The following MRI1 variants were observed in gnomAD, a reference collection of about 807,000 sequenced individuals.
MRI1 encodes methylthioribose-1-phosphate isomerase 1, also known as methylthioribose-1-phosphate isomerase.
MRI1 carries 32 observed loss-of-function variants against 27.3 expected under a neutral mutation model. The observed-to-expected ratio is 1.17, with a 90% CI of 0.88 to 1.57. The LOEUF (loss-of-function observed/expected upper bound fraction) is 1.57. Ranked by LOEUF, MRI1 falls within the 40% of genes most tolerant of loss-of-function variation. MRI1 has a pLI of 0.00. For synonymous variants in MRI1, 216 were observed against 227.4 expected (o/e 0.95, Z 0.45); for missense variants, 508 against 516.1 (o/e 0.98, Z 0.15).
intron 2 of MRI1, among the ~76,000 whole-genome samples, chr19:13,765,670 ATTATC>A (rs1974106437): frequency 6.6e-6 from 1 of 151,996 alleles, no homozygotes; most frequent in Non-Finnish European, 1.5e-5. Flanking sequence ...CCTTCATTTT[ATTATC>A]TCTTCATCAG....
rs577779616 is a variant in MRI1, at chr19:13,771,098, T to C, written c.950-1023T>C. 3.4e-5 allele frequency among the ~76,000 whole-genome samples: 5 copies of C among 147,838 alleles called. No individual in the cohort carries two copies. In the East Asian group the frequency reaches 1.0e-3, roughly 30 times the overall value. On this transcript the variant is annotated intron_variant, in intron 5 of 5. Transcript: ENST00000040663. ...TTTTGCCAGGTGTGGTGGTTCATGA[T>C]TGTAACCCCAGCACTTTGGGAGGCT... is the stretch of plus-strand genomic sequence containing the variant.
chr19:13,765,810 G>A (rs940604378), intron 2 of MRI1, 144 bp from the exon 3 acceptor site: 9 of 813,798 alleles, frequency 1.1e-5, no homozygotes, highest in African/African-American at 3.4e-5. Context: ...ACACTTCGGT[G>A]GCCCTGGCCG....
chr19:13,769,331 T>G (rs1395058101), intron 5 of MRI1, among the ~76,000 whole-genome samples: 1 of 151,930 alleles, frequency 6.6e-6, no homozygotes, highest in Non-Finnish European at 1.5e-5. Context: ...GCCTGGCTAA[T>G]TTTTGTATTT....
rs866977297 is a variant in MRI1, at chr19:13,769,001, C to A, written c.902C>A (p.Pro301Gln). 2.5e-6 allele frequency: 4 copies of A among 1,613,656 alleles called. No homozygotes were observed. Among genetic ancestry groups the A allele is most frequent in the African/African-American group, 1.3e-5 (1 of 74,912 alleles). The change falls in exon 5 of 6, where the codon CCG becomes CAG. Residue 301 changes from proline to glutamine, a missense_variant. Physicochemically the swap from Pro to Gln is moderately conservative, Grantham distance 76. Around this residue, in one of 3 missense-constraint regions of MRI1, gnomAD observed 457 missense variants for 452.8 expected, o/e 1.01. Transcript: ENST00000040663. ...TGKEIIIEER[P>Q]GQELTDVNGV... ...AAGGAGATCATTATTGAAGAGCGAC[C>A]GGGCCAGGAGCTGACCGATGTTAAT... is the stretch of plus-strand genomic sequence containing the variant.
chr19:13,764,524 C>G lies in MRI1; in HGVS notation c.-65C>G, dbSNP rs1270833606. 6.3e-7 allele frequency: 1 copy of G among 1,582,254 alleles called. No individual in the cohort carries two copies. Among genetic ancestry groups the G allele is most frequent in the Non-Finnish European group, 8.6e-7 (1 of 1,166,180 alleles). ...GGGGAGGCTCCGCCCACGGCCCCGC[C>G]CCGCTCCCAAGTGCGCGCGGACCCC... On this transcript the variant is annotated 5_prime_UTR_variant, in exon 1 of 6. Coordinates refer to ENST00000040663, the MANE Select transcript of MRI1 (RefSeq NM_001031727.4).
At chr19:13,768,793 AC>A (rs1272079114) in intron 4 of MRI1, 30 bp from the exon 5 acceptor site, 1 of 1,591,902 alleles carries the variant, frequency 6.3e-7, no homozygotes, top group South Asian at 1.1e-5. Context: ...CCAGGTAATG[AC>A]CCCCAACTTC....
intron 5 of MRI1, among the ~76,000 whole-genome samples, chr19:13,771,627 C>T (rs1974270032): frequency 1.3e-5 from 2 of 151,608 alleles, no homozygotes; most frequent in East Asian, 1.9e-4. Flanking sequence ...TTTGGGAGGC[C>T]GAGGCGGGCA....
Position 13,769,048 on chromosome 19 carries a change from G to C in MRI1, c.949G>C (p.Gly317Arg), listed in dbSNP as rs776160708. 16 of 1,601,512 alleles carry C rather than the reference G, an allele frequency of 1.0e-5. No homozygotes were observed. The East Asian group carries it at 2.0e-4, about 20-fold the overall frequency. ...DVNGVRIAAP[G>R]IGVWNPAFDV... ...TAATGGGGTCCGGATTGCAGCACCTGGTAAGCTGCCCCCTCAGAAAGGGGA... is the reference window on the plus strand; with the variant it reads ...TAATGGGGTCCGGATTGCAGCACCTCGTAAGCTGCCCCCTCAGAAAGGGGA... The change falls in exon 5 of 6, where the codon GGG becomes CGG. Residue 317 changes from glycine (G) to arginine (R), a missense_variant and splice_region_variant. This residue lies in a region of MRI1 where 457 missense variants were observed against 452.8 expected (regional missense o/e 1.01). Transcript: ENST00000040663.
chr19:13,769,740 T>C (rs1398629292), intron 5 of MRI1, among the ~76,000 whole-genome samples: 2 of 151,336 alleles, frequency 1.3e-5, no homozygotes, highest in African/African-American at 4.9e-5. Flanking sequence ...GTCAACATAG[T>C]GAAACCCCGT....
At position 13,766,057 on chromosome 19, in the gene MRI1, G is replaced by A. The variant is rs573296217; in HGVS notation, c.475G>A (p.Gly159Ser). The A allele has an allele frequency of 2.4e-5, 38 of 1,612,918 alleles. No individual in the cohort carries two copies. The highest frequency in any genetic ancestry group is 2.9e-5 in the Non-Finnish European group (34 of 1,179,844). The change falls in exon 3 of 6, where the codon GGT becomes AGT. Residue 159 changes from glycine (G) to serine (S), a missense_variant. This residue lies in a region of MRI1 where 457 missense variants were observed against 452.8 expected (regional missense o/e 1.01). Coordinates refer to ENST00000040663, the MANE Select transcript of MRI1 (RefSeq NM_001031727.4). Reference protein sequence around the residue: ...RHLLERVAPSGGKVTVLTHCN... With the variant: ...RHLLERVAPSSGKVTVLTHCN... ...CCTCCTGGAGCGGGTGGCCCCCAGC[G>A]GTGGCAAGGTGACTGTGCTGACCCA...
rs775105715 is a variant in MRI1 at position 13,772,188 on chromosome 19, A to C, written c.1017A>C (p.Thr339=). The change falls in exon 6 of 6, where the codon ACA becomes ACC. Residue 339 remains threonine, a synonymous_variant. Transcript: ENST00000040663. The stretch of plus-strand genomic sequence containing the variant: ...ACCTCATCACTGGTGGCATCATCAC[A>C]GAACTGGGGGTCTTTGCCCCTGAGG... The part of the protein sequence containing the change: ...PHDLITGGII[T]ELGVFAPEEL... The C allele has an allele frequency of 4.3e-6, 7 of 1,614,116 alleles. No individual in the cohort carries two copies. The South Asian group carries it at 7.7e-5, about 18-fold the overall frequency.
Position 13,772,121 on chromosome 19 carries a change from G to A in MRI1, c.950G>A (p.Gly317Glu), listed in dbSNP as rs775026811. Residue 317 changes from glycine to glutamate, a missense_variant and splice_region_variant, in exon 6 of 6, where the codon GGG (glycine) becomes GAG (glutamate). Transcript: ENST00000040663. ...CTTGCCTCCCCTCTCTCCCCTGCAGGGATTGGAGTTTGGAATCCTGCCTTC... is the reference window on the plus strand; with the variant it reads ...CTTGCCTCCCCTCTCTCCCCTGCAGAGATTGGAGTTTGGAATCCTGCCTTC... ...DVNGVRIAAP[G>E]IGVWNPAFDV... 13 of 1,611,578 alleles carry A rather than the reference G, an allele frequency of 8.1e-6. No individual in the cohort carries two copies. Among genetic ancestry groups the A allele is most frequent in the African/African-American group, 6.7e-5 (5 of 74,778 alleles).
At position 13,768,662 on chromosome 19, in the gene MRI1, G is replaced by T; in HGVS notation, c.649G>T (p.Val217Phe). The part of the protein sequence containing the change: ...QGARLTAFEL[V>F]YEQIPATLIT... ...AGCCCGGCTGACGGCCTTTGAGCTG[G>T]TCTATGAGCAGATCCCCGCCACCCT... The change falls in exon 4 of 6, where the codon GTC (valine) becomes TTC (phenylalanine). Residue 217 changes from valine to phenylalanine, a missense_variant. Around this residue, in one of 3 missense-constraint regions of MRI1, gnomAD observed 457 missense variants for 452.8 expected, o/e 1.01. Coordinates refer to ENST00000040663, the MANE Select transcript of MRI1 (RefSeq NM_001031727.4). 1 of 1,613,940 alleles carries T rather than the reference G, an allele frequency of 6.2e-7. No homozygotes were observed. The highest frequency in any genetic ancestry group is 8.5e-7 in the Non-Finnish European group (1 of 1,180,002).
Position 13,772,380 on chromosome 19 carries a change from C to T in MRI1, c.*99C>T. 1.6e-6 allele frequency: 2 copies of T among 1,220,818 alleles called. No homozygotes were observed. Among genetic ancestry groups the T allele is most frequent in the Non-Finnish European group, 2.3e-6 (2 of 880,742 alleles). 75.6% of individuals were successfully genotyped at this position (1,220,818 alleles called of 1,614,324 possible). ...CGTCCAGCCCCTGACCACACTTGTT[C>T]CTAGTGCAGGGAGCTCAGACAGGGC... On this transcript the variant is annotated 3_prime_UTR_variant, in exon 6 of 6. Coordinates refer to ENST00000040663, the MANE Select transcript of MRI1 (RefSeq NM_001031727.4).
intron 5 of MRI1, among the ~76,000 whole-genome samples, chr19:13,770,109 TTTC>T (rs539426657): frequency 2.8e-4 from 43 of 152,216 alleles, no homozygotes; most frequent in African/African-American, 9.9e-4. Flanking sequence ...CTGCAAGACT[TTTC>T]TTAGCTGCCT....
In MRI1 at chr19:13,773,644, A is replaced by C. The variant is rs1974318559; in HGVS notation, c.*1363A>C. ...ACCCCATCTCTTTAAAAAAAAAAAA[A>C]AATCCATGATGAACAAAACAAGTAT... is the stretch of plus-strand genomic sequence containing the variant. On this transcript the variant is annotated 3_prime_UTR_variant, in exon 6 of 6. Coordinates refer to ENST00000040663, the MANE Select transcript of MRI1 (RefSeq NM_001031727.4). 1 of 137,006 alleles carries C rather than the reference A, an allele frequency of 7.3e-6. No individual in the cohort carries two copies. Among genetic ancestry groups the C allele is most frequent in the Non-Finnish European group, 1.5e-5 (1 of 65,852 alleles). The allele number at this position is 137,006 out of a possible 1,614,324, so 8.5% of individuals were successfully genotyped here.
intron 3 of MRI1, among the ~76,000 whole-genome samples, chr19:13,767,039 T>TATATATATATATATATA (rs1974150355): frequency 3.3e-5 from 1 of 30,144 alleles, no homozygotes; most frequent in Non-Finnish European, 5.3e-5. Flanking sequence ...ATATATATAT[T>TATATATATATATATATA]TTTTTTTTTT....
chr19:13,772,463 G>A lies in MRI1; in HGVS notation c.*182G>A, dbSNP rs991125124. 2.7e-5 allele frequency: 15 copies of A among 549,834 alleles called. No homozygotes were observed. Among genetic ancestry groups the A allele is most frequent in the South Asian group, 1.0e-4 (4 of 39,048 alleles). The allele number at this position is 549,834 out of a possible 1,614,324, so 34.1% of individuals were successfully genotyped here. A position where few individuals can be genotyped will look rare whatever the true frequency, so the allele number is the denominator to read the frequency against. ...CTGCCCAGATTCAAATCCTGACTCC[G>A]CCACTTTTCCCACTGTATGATCTTG... is the stretch of plus-strand genomic sequence containing the variant. On this transcript the variant is annotated 3_prime_UTR_variant, in exon 6 of 6. Coordinates refer to ENST00000040663, the MANE Select transcript of MRI1 (RefSeq NM_001031727.4).
chr19:13,767,861 C>CTTTTTTTTTTTTTTTTTT lies in MRI1; in HGVS notation c.548-692_548-675dup, dbSNP rs1170108927. 2.3e-4 allele frequency among the ~76,000 whole-genome samples: 14 copies of CTTTTTTTTTTTTTTTTTT among 61,084 alleles called. 1 individual carries two copies. The highest frequency in any genetic ancestry group is 1.2e-3 in the East Asian group (2 of 1,640). 40.1% of individuals were successfully genotyped at this position (61,084 alleles called of 152,430 possible). The stretch of plus-strand genomic sequence containing the variant: ...TCTTTTCAAGTATTTTCTTTCTTTC[C>CTTTTTTTTTTTTTTTTTT]TTTTTTTTTTTTTTTTTTTTTTTTT... On this transcript the variant is annotated intron_variant, in intron 3 of 5. Coordinates refer to ENST00000040663, the MANE Select transcript of MRI1 (RefSeq NM_001031727.4).
Sources: gnomAD v4.1 joint callset for allele counts (sites outside exome capture counted in the v4.1 genomes callset) on GRCh38, gnomAD v4.1.1 for gene constraint, gnomAD v4.1.1 regional missense constraint, MANE v1.5 for transcripts, NCBI Gene and HGNC (gene_info 2026-07-23, HGNC 2026-07-21) for gene names.